APBB2: variants seen among roughly 807,000 people sequenced by gnomAD.
APBB2 encodes amyloid beta precursor protein binding family B member 2.
APBB2 carries 38 observed loss-of-function variants against 82.5 expected under a neutral mutation model. The observed-to-expected ratio is 0.46, with a 90% CI of 0.36 to 0.60. The LOEUF is 0.60. APBB2 is among the 20% of genes least tolerant of loss of function. The pLI is 0.00. For synonymous variants in APBB2, 341 were observed against 368.2 expected (o/e 0.93, Z 0.85); for missense variants, 772 against 972.3 (o/e 0.79, Z 2.74).
intron 10 of APBB2, among the ~76,000 whole-genome samples, chr4:40,921,381 GAAT>G (rs1560283271): frequency 2.0e-5 from 3 of 152,308 alleles, no homozygotes; most frequent in Non-Finnish European, 2.9e-5. Context: ...TGTACAATGG[GAAT>G]AATAACTTCA....
chr4:41,120,304 C>T (rs980126463), intron 2 of APBB2, among the ~76,000 whole-genome samples: 6 of 152,086 alleles, frequency 3.9e-5, no homozygotes, highest in Admixed American at 1.3e-4. Flanking sequence ...TTATATAAAC[C>T]GACTCAGGCC....
intron 12 of APBB2, among the ~76,000 whole-genome samples, chr4:40,850,715 A>G (rs533324286): frequency 6.6e-6 from 1 of 152,174 alleles, no homozygotes; most frequent in Non-Finnish European, 1.5e-5. Flanking sequence ...CAAATATTTA[A>G]TATGTGGCCA....
intron 12 of APBB2, among the ~76,000 whole-genome samples, chr4:40,865,054 T>A (rs1024390971): frequency 6.6e-6 from 1 of 152,080 alleles, no homozygotes; most frequent in Admixed American, 6.5e-5. Context: ...AGACGGGTTT[T>A]ACCATGTTGG....
rs756865187 is a variant in APBB2 at position 40,823,634 on chromosome 4, T to C, written c.1932+10A>G. On this transcript the variant is annotated intron_variant, in intron 16 of 17. Coordinates refer to ENST00000508593, the MANE Select transcript of APBB2 (RefSeq NM_004307.2). ...AAGACACACCAATGTCATCGAAGAT[T>C]CCTTCTCACCTTTTCACTGATGACA... 1 of 1,585,246 alleles carries C rather than the reference T, an allele frequency of 6.3e-7. No homozygotes were observed. The highest frequency in any genetic ancestry group is 2.2e-5 in the East Asian group (1 of 44,754).
chr4:41,153,007 T>A (rs1256618952), intron 1 of APBB2, among the ~76,000 whole-genome samples: 1 of 152,224 alleles, frequency 6.6e-6, no homozygotes, highest in Non-Finnish European at 1.5e-5. Context: ...GCAGAATATA[T>A]ACTTGCTATG....
At chr4:41,132,746 C>A (rs1756415042) in intron 2 of APBB2, among the ~76,000 whole-genome samples, 1 of 152,136 alleles carries the variant, frequency 6.6e-6, no homozygotes, top group Admixed American at 6.5e-5. Context: ...ATATGCTTTA[C>A]CACTCTCCCC....
At chr4:40,962,092 G>A (rs761111637) in intron 6 of APBB2, among the ~76,000 whole-genome samples, 5 of 152,212 alleles carry the variant, frequency 3.3e-5, no homozygotes, top group African/African-American at 7.2e-5. Flanking sequence ...CCACACACCT[G>A]TGGAATAGCT....
chr4:41,045,777 G>A (rs956107769), intron 4 of APBB2, among the ~76,000 whole-genome samples: 5 of 152,120 alleles, frequency 3.3e-5, no homozygotes, highest in African/African-American at 1.2e-4. Flanking sequence ...CTCCCTGTAT[G>A]AGGACAGAGA....
chr4:41,104,475 A>AT (rs961625276), intron 2 of APBB2, among the ~76,000 whole-genome samples: 7 of 151,702 alleles, frequency 4.6e-5, no homozygotes, highest in Non-Finnish European at 7.4e-5. Context: ...TAATCTATTC[A>AT]TTTTTTTTCT....
intron 12 of APBB2, chr4:40,848,952 G>A (rs1226370724): frequency 3.1e-6 from 3 of 976,302 alleles, no homozygotes; most frequent in Non-Finnish European, 3.7e-6. Context: ...AGAAAGTAAA[G>A]CTCATGCGAG....
intron 12 of APBB2, among the ~76,000 whole-genome samples, chr4:40,857,370 C>T (rs1433254606): frequency 6.6e-6 from 1 of 152,212 alleles, no homozygotes; most frequent in Non-Finnish European, 1.5e-5. Context: ...CTTCCTGTAA[C>T]GAACGTTTCC....
chr4:40,944,757 A>G, intron 7 of APBB2, 108 bp downstream of exon 7: 1 of 1,067,676 alleles, frequency 9.4e-7, no homozygotes, highest in East Asian at 2.4e-5. Context: ...ATGCACAATA[A>G]TCAAAAAGCT....
intron 12 of APBB2, chr4:40,881,182 A>T: frequency 1.0e-6 from 1 of 985,458 alleles, no homozygotes; most frequent in Non-Finnish European, 1.2e-6. Flanking sequence ...GAGCTGCATT[A>T]AAGAGAAATT....
At position 40,893,379 on chromosome 4, in the gene APBB2, C is replaced by A; in HGVS notation, c.1287G>T (p.Glu429Asp). Reference sequence around the variant, plus strand: ...CGGGGGCGAGGTCCTCTTCTGCCATCTCTACCCATCCCAGAGAACGCACAG... The same window carrying A: ...CGGGGGCGAGGTCCTCTTCTGCCATATCTACCCATCCCAGAGAACGCACAG... The part of the protein sequence containing the change: ...CFAVRSLGWV[E>D]MAEEDLAPGK... The change falls in exon 11 of 18, where the codon GAG becomes GAT. Residue 429 changes from glutamate (E) to aspartate (D), a missense_variant. Physicochemically the swap from Glu to Asp is conservative, Grantham distance 45. Coordinates refer to ENST00000508593, the MANE Select transcript of APBB2 (RefSeq NM_004307.2). 6.2e-7 allele frequency: 1 copy of A among 1,613,458 alleles called. No individual in the cohort carries two copies. The highest frequency in any genetic ancestry group is 1.1e-5 in the South Asian group (1 of 90,888).
intron 1 of APBB2, among the ~76,000 whole-genome samples, chr4:41,196,027 G>GT: frequency 7.1e-6 from 1 of 141,496 alleles, no homozygotes; most frequent in East Asian, 1.9e-4. Context: ...GGGTGTGGTG[G>GT]CGGCGCCTGT....
At chr4:41,206,052 T>C (rs1777850193) in intron 1 of APBB2, among the ~76,000 whole-genome samples, 1 of 152,182 alleles carries the variant, frequency 6.6e-6, no homozygotes, top group Admixed American at 6.5e-5. Context: ...ACAGTCACCA[T>C]GACCAAAATG....
Position 41,079,854 on chromosome 4 carries a change from C to T in APBB2, c.-148-14181G>A, listed in dbSNP as rs1033012831. On this transcript the variant is annotated intron_variant, in intron 3 of 17. Transcript: ENST00000508593. ...AAACCACCGCGACCGGCCAGCTCAC[C>T]TATTCTTTATATTAGTTTCTACCAT... Among the ~76,000 whole-genome samples the T allele has an allele frequency of 8.5e-5, 13 of 152,122 alleles. No individual in the cohort carries two copies. In the East Asian group the frequency reaches 2.5e-3, roughly 29 times the overall value.
rs1750124481 is a variant in APBB2 at position 40,826,851 on chromosome 4, TA to T, written c.1732+280del. 3.1e-6 allele frequency: 1 copy of T among 326,806 alleles called. No homozygotes were observed. Among genetic ancestry groups the T allele is most frequent in the Non-Finnish European group, 5.7e-6 (1 of 176,542 alleles). The allele number at this position is 326,806 out of a possible 1,614,324, so 20.2% of individuals were successfully genotyped here. On this transcript the variant is annotated intron_variant, in intron 14 of 17. Coordinates refer to ENST00000508593, the MANE Select transcript of APBB2 (RefSeq NM_004307.2). This position sits in a 1 kb window ranked among gnomAD's most constrained non-coding sequence, Gnocchi z 4.5. ...ATGAAGACAGTATTCTTAAAGAACA[TA>T]AAATACAAAACAAAATGAAAACGAA...
At chr4:41,007,075 C>T (rs1449530705) in intron 6 of APBB2, among the ~76,000 whole-genome samples, 1 of 152,140 alleles carries the variant, frequency 6.6e-6, no homozygotes, top group African/African-American at 2.4e-5. Context: ...CTGCTATAGT[C>T]TAAATGTGTC....
Sources: allele counts gnomAD v4.1 joint callset (sites outside exome capture counted in the v4.1 genomes callset), GRCh38; gene constraint gnomAD v4.1.1; non-coding constraint Gnocchi (gnomAD v3.1); transcripts MANE v1.5; gene names NCBI Gene and HGNC (gene_info 2026-07-23, HGNC 2026-07-21).